CFAP221: variants seen among roughly 807,000 people sequenced by gnomAD.
The protein encoded by CFAP221 is cilia- and flagella-associated protein 221.
A neutral mutation model predicts 113.1 loss-of-function variants in CFAP221; 97 were observed. That is an observed-to-expected ratio of 0.86 (90% CI 0.73 to 1.02). The LOEUF (loss-of-function observed/expected upper bound fraction) is 1.02, where lower values mean the gene tolerates loss of function less well. CFAP221 is among the 50% of genes least tolerant of loss of function. The pLI is 0.00. For missense variants in CFAP221, 1,025 were observed against 1,013.4 expected, an observed-to-expected ratio of 1.01 and a Z score of -0.16; for synonymous variants, 331 against 354.4, an observed-to-expected ratio of 0.93 and a Z score of 0.74.
intron 3 of CFAP221, among the ~76,000 whole-genome samples, chr2:119,553,209 G>A (rs977423718): frequency 1.3e-5 from 2 of 152,202 alleles, no homozygotes; most frequent in African/African-American, 4.8e-5. Flanking sequence ...GCGTGTGGAG[G>A]AGAGGCCATT....
chr2:119,602,617 G>A, intron 8 of CFAP221: 1 of 985,196 alleles, frequency 1.0e-6, no homozygotes, highest in Non-Finnish European at 1.2e-6. Flanking sequence ...AAAATTCAAA[G>A]CAGCCTAAGT....
intron 7 of CFAP221, among the ~76,000 whole-genome samples, chr2:119,596,747 A>T (rs542571295): frequency 6.6e-6 from 1 of 152,244 alleles, no homozygotes; most frequent in African/African-American, 2.4e-5. Context: ...TTCATCTGCT[A>T]TGGCTGAGCA....
chr2:119,649,768 C>T (rs1282792205), intron 22 of CFAP221, among the ~76,000 whole-genome samples: 2 of 152,082 alleles, frequency 1.3e-5, no homozygotes, highest in African/African-American at 4.8e-5. Context: ...GGACACAGCC[C>T]TGTTGTTTAT....
intron 6 of CFAP221, chr2:119,580,154 T>G (rs1026307815): frequency 1.3e-5 from 2 of 152,196 alleles, no homozygotes; most frequent in Admixed American, 6.5e-5. Flanking sequence ...ATGAATTGCC[T>G]TACCTTCATA....
chr2:119,562,101 C>T lies in CFAP221; in HGVS notation c.514C>T (p.Leu172=). The T allele has an allele frequency of 6.5e-7, 1 of 1,532,344 alleles. No homozygotes were observed. Among genetic ancestry groups the T allele is most frequent in the African/African-American group, 1.4e-5 (1 of 72,960 alleles). 94.9% of individuals were successfully genotyped at this position (1,532,344 alleles called of 1,614,324 possible). A position where few individuals can be genotyped will look rare whatever the true frequency, so the allele number is the denominator to read the frequency against. The change falls in exon 6 of 24, where the codon CTA becomes TTA. Residue 172 remains leucine, a synonymous_variant. Transcript: ENST00000413369. ...TTCATTTATAAATCTGTCAAATGTT[C>T]TACTTGGTGAAAGGTGAGTTACCAA... The part of the protein sequence containing the change: ...FPSFINLSNV[L]LGESKTYVIP...
At chr2:119,650,556 A>G (rs1688066707) in intron 22 of CFAP221, among the ~76,000 whole-genome samples, 1 of 152,218 alleles carries the variant, frequency 6.6e-6, no homozygotes. Context: ...TACTTCATAG[A>G]GGGTTGTCAG....
chr2:119,555,146 T>C (rs1680698194), intron 3 of CFAP221, among the ~76,000 whole-genome samples: 1 of 152,158 alleles, frequency 6.6e-6, no homozygotes, highest in Non-Finnish European at 1.5e-5. Context: ...GACTATTTTA[T>C]GTGTGGTTGA....
Position 119,606,431 on chromosome 2 carries a change from C to T in CFAP221, c.1133+1142C>T, listed in dbSNP as rs144200980. ...CCTGAAGCCCTCTGAAGGTGCCCACCGGGCTGCTCCCCTGTCTCTGGGGAA... is the reference window on the plus strand; with the variant it reads ...CCTGAAGCCCTCTGAAGGTGCCCACTGGGCTGCTCCCCTGTCTCTGGGGAA... On this transcript the variant is annotated intron_variant, in intron 11 of 23. Coordinates refer to ENST00000413369, the MANE Select transcript of CFAP221 (RefSeq NM_001271049.2). Among the ~76,000 whole-genome samples, 261 of 152,218 alleles carry T rather than the reference C, an allele frequency of 1.7e-3. 1 individual carries two copies. The highest frequency in any genetic ancestry group is 5.7e-3 in the African/African-American group (238 of 41,544).
chr2:119,656,532 C>T lies in CFAP221; in HGVS notation c.*62C>T. 1 of 1,115,326 alleles carries T rather than the reference C, an allele frequency of 9.0e-7. No individual in the cohort carries two copies. The highest frequency in any genetic ancestry group is 1.3e-6 in the Non-Finnish European group (1 of 741,414). 69.1% of individuals were successfully genotyped at this position (1,115,326 alleles called of 1,614,324 possible). A position where few individuals can be genotyped will look rare whatever the true frequency, so the allele number is the denominator to read the frequency against. ...CGTGGGCCACTGTGGCCCCTTGCGT[C>T]CATTTACATGCCAGCCATCTCTGCA... On this transcript the variant is annotated 3_prime_UTR_variant, in exon 24 of 24. Transcript: ENST00000413369.
intron 12 of CFAP221, among the ~76,000 whole-genome samples, chr2:119,609,872 G>A (rs1167374892): frequency 2.0e-5 from 3 of 152,108 alleles, no homozygotes; most frequent in Non-Finnish European, 4.4e-5. Flanking sequence ...CAGATTTGGA[G>A]TCCAACTAGA....
chr2:119,551,863 A>G (rs1415626962), intron 3 of CFAP221, among the ~76,000 whole-genome samples: 1 of 152,234 alleles, frequency 6.6e-6, no homozygotes, highest in Non-Finnish European at 1.5e-5. Context: ...AAGAATATTA[A>G]GTCACAATTC....
At chr2:119,656,157 C>T (rs913085651) in intron 23 of CFAP221, 3 of 516,058 alleles carry the variant, frequency 5.8e-6, no homozygotes, top group Non-Finnish European at 1.0e-5. Flanking sequence ...GAAACTGATG[C>T]AGCTGAGGCC....
chr2:119,605,246 G>A lies in CFAP221; in HGVS notation c.1090G>A (p.Val364Ile), dbSNP rs1239638156. The A allele has an allele frequency of 6.2e-7, 1 of 1,614,218 alleles. No homozygotes were observed. The highest frequency in any genetic ancestry group is 8.5e-7 in the Non-Finnish European group (1 of 1,180,024). Residue 364 changes from valine to isoleucine, a missense_variant, in exon 11 of 24, where the codon GTC (valine) becomes ATC (isoleucine). Val to Ile is a conservative substitution (Grantham distance 29). Coordinates refer to ENST00000413369, the MANE Select transcript of CFAP221 (RefSeq NM_001271049.2). ...QMKEALFEQK[V>I]RQDIHEEMEN... ...GAAGGAGGCACTCTTTGAACAGAAA[G>A]TCAGACAGGACATTCACGAAGAGAT... is the stretch of plus-strand genomic sequence containing the variant.
In CFAP221 at chr2:119,595,418, T is replaced by C. The variant is rs1388960810; in HGVS notation, c.632-5800T>C. On this transcript the variant is annotated intron_variant, in intron 7 of 23. Coordinates refer to ENST00000413369, the MANE Select transcript of CFAP221 (RefSeq NM_001271049.2). ...ACTTCCCTATTTAATAGATTTTTTT[T>C]CCTTACCATTTTTACCCTTCTTTTC... 5.9e-5 allele frequency among the ~76,000 whole-genome samples: 9 copies of C among 152,242 alleles called. No homozygotes were observed. The East Asian group carries it at 1.5e-3, about 26-fold the overall frequency.
Position 119,602,150 on chromosome 2 carries a change from C to T in CFAP221, c.791+773C>T, listed in dbSNP as rs75738515. Among the ~76,000 whole-genome samples the T allele has an allele frequency of 3.3e-4, 50 of 152,204 alleles. No individual in the cohort carries two copies. In the East Asian group the frequency reaches 8.5e-3, roughly 26 times the overall value. On this transcript the variant is annotated intron_variant, in intron 8 of 23. Transcript: ENST00000413369. ...ATCCCAGCACTTTGGGAGGCTGAGA[C>T]GGGTGGATCACCTGAGGTCAGGCTT...
intron 7 of CFAP221, chr2:119,589,846 T>TC (rs1288625754): frequency 6.6e-6 from 1 of 152,198 alleles, no homozygotes; most frequent in Non-Finnish European, 1.5e-5. Flanking sequence ...TTTATGACCT[T>TC]CCTGTACTGC....
Position 119,546,115 on chromosome 2 carries a change from C to T in CFAP221, c.-17C>T, listed in dbSNP as rs746513925. 4.6e-5 allele frequency: 70 copies of T among 1,522,772 alleles called. No homozygotes were observed. The highest frequency in any genetic ancestry group is 6.0e-5 in the Non-Finnish European group (69 of 1,143,574). 94.3% of individuals were successfully genotyped at this position (1,522,772 alleles called of 1,614,324 possible). On this transcript the variant is annotated 5_prime_UTR_variant, in exon 2 of 24. Coordinates refer to ENST00000413369, the MANE Select transcript of CFAP221 (RefSeq NM_001271049.2). ...GACCTTTGGCTCTAAAAAGAAGACTCCATTTTTCATGATAAAATGGCAGTG... is the reference window on the plus strand; with the variant it reads ...GACCTTTGGCTCTAAAAAGAAGACTTCATTTTTCATGATAAAATGGCAGTG...
At chr2:119,550,683 A>G (rs547551065) in intron 3 of CFAP221, among the ~76,000 whole-genome samples, 2 of 152,232 alleles carry the variant, frequency 1.3e-5, no homozygotes, top group South Asian at 4.1e-4. Context: ...GCCAAAGGCT[A>G]AGATAAAATT....
At chr2:119,573,535 A>G (rs1308260355) in intron 6 of CFAP221, 1 of 152,204 alleles carries the variant, frequency 6.6e-6, no homozygotes, top group African/African-American at 2.4e-5. Flanking sequence ...GCATAAAACA[A>G]TTCTTGTCAT....
Sources: allele counts gnomAD v4.1 joint callset (sites outside exome capture counted in the v4.1 genomes callset), GRCh38; gene constraint gnomAD v4.1.1; transcripts MANE v1.5; gene names NCBI Gene and HGNC (gene_info 2026-07-23, HGNC 2026-07-21).